Variants in CELF2 observed in about 807,000 individuals in gnomAD.
CELF2 encodes the protein CUGBP Elav-like family member 2, also known as CUG triplet repeat RNA-binding protein 2.
In CELF2, 8 loss-of-function variants were observed where a neutral mutation model predicts 62.6. The observed-to-expected ratio is 0.13, with a 90% CI of 0.07 to 0.23. The LOEUF (loss-of-function observed/expected upper bound fraction) is 0.23, where lower values mean the gene tolerates loss of function less well. Ranked by LOEUF, CELF2 falls within the 10% of genes least tolerant of loss-of-function variation. The pLI, the probability that CELF2 is intolerant of heterozygous loss-of-function variation, is 1.00. For missense variants in CELF2, 333 were observed against 671.0 expected (o/e 0.50, Z 5.56); for synonymous variants, 258 against 250.0 (o/e 1.03, Z -0.30).
At chr10:10,827,983 G>A (rs918669084) in intron 1 of CELF2, among the ~76,000 whole-genome samples, 11 of 120,118 alleles carry the variant, frequency 9.2e-5, no homozygotes, top group Non-Finnish European at 1.6e-4. Flanking sequence ...CATCATACCC[G>A]TCAGGAAGGC....
the CELF2 span, among the ~76,000 whole-genome samples, chr10:10,472,860 G>A: frequency 6.6e-6 from 1 of 151,940 alleles, no homozygotes; most frequent in African/African-American, 2.4e-5. Flanking sequence ...CTAGGCCCAT[G>A]TAATTTGGCA....
At position 11,237,263 on chromosome 10, in the gene CELF2, G is replaced by T. The variant is rs1172766492; in HGVS notation, c.355-11890G>T. On this transcript the variant is annotated intron_variant, in intron 3 of 12. Transcript: ENST00000633077. The surrounding 1 kb of genome is among the most constrained non-coding windows in gnomAD (Gnocchi z 4.0). ...GGGTAGAAAATTAAGCAAATTTAGA[G>T]CCACGCCAGAGTGTTAGGTGAGAGG... 6.6e-6 allele frequency among the ~76,000 whole-genome samples: 1 copy of T among 152,200 alleles called. No homozygotes were observed. Among genetic ancestry groups the T allele is most frequent in the Non-Finnish European group, 1.5e-5 (1 of 68,020 alleles).
chr10:11,045,607 A>G (rs1382142754), intron 1 of CELF2, among the ~76,000 whole-genome samples: 3 of 152,220 alleles, frequency 2.0e-5, no homozygotes, highest in Non-Finnish European at 4.4e-5. Context: ...TTTGAACACC[A>G]TGTGTGATGA....
At position 11,311,227 on chromosome 10, in the gene CELF2, A is replaced by G. The variant is rs1201590895; in HGVS notation, c.977-2912A>G. Reference sequence around the variant, plus strand: ...GGGGAATTTCCCTCTGAGAATTCATAACAATAAACCATCCCTCACGTGAGT... The same window carrying G: ...GGGGAATTTCCCTCTGAGAATTCATGACAATAAACCATCCCTCACGTGAGT... On this transcript the variant is annotated intron_variant, in intron 9 of 12. Coordinates refer to ENST00000633077, the MANE Select transcript of CELF2 (RefSeq NM_001326342.2). The surrounding 1 kb of genome is among the most constrained non-coding windows in gnomAD (Gnocchi z 4.7). Among the ~76,000 whole-genome samples, 5 of 152,228 alleles carry G rather than the reference A, an allele frequency of 3.3e-5. No homozygotes were observed. The highest frequency in any genetic ancestry group is 7.3e-5 in the Non-Finnish European group (5 of 68,042).
In CELF2 at chr10:11,198,148, A is replaced by G. The variant is rs990415481; in HGVS notation, c.272-19277A>G. Reference sequence around the variant, plus strand: ...AAATAGTTGTATTATCTGCTGTTCTAAGACTGATGAAATGTTTAAAAGGAT... The same window carrying G: ...AAATAGTTGTATTATCTGCTGTTCTGAGACTGATGAAATGTTTAAAAGGAT... On this transcript the variant is annotated intron_variant, in intron 2 of 12. Transcript: ENST00000633077. Among the ~76,000 whole-genome samples the G allele has an allele frequency of 2.6e-5, 4 of 152,230 alleles. No homozygotes were observed. In the South Asian group the frequency reaches 8.3e-4, roughly 32 times the overall value.
Position 11,306,041 on chromosome 10 carries a change from AC to A in CELF2, c.977-8097del, listed in dbSNP as rs1349018535. On this transcript the variant is annotated intron_variant, in intron 9 of 12. Coordinates refer to ENST00000633077, the MANE Select transcript of CELF2 (RefSeq NM_001326342.2). The surrounding 1 kb of genome is among the most constrained non-coding windows in gnomAD (Gnocchi z 4.4). ...TTTCCTGGCACGCCAGCTGGCCTGA[AC>A]GTCCGTCGCCTGATTGATAGGTTTT... Among the ~76,000 whole-genome samples, 1 of 152,182 alleles carries A rather than the reference AC, an allele frequency of 6.6e-6. No individual in the cohort carries two copies. The highest frequency in any genetic ancestry group is 1.5e-5 in the Non-Finnish European group (1 of 68,042).
At position 10,983,807 on chromosome 10, in the gene CELF2, C is replaced by T. The variant is rs2052422966; in HGVS notation, c.89+63808C>T. On this transcript the variant is annotated intron_variant, in intron 2 of 13. Coordinates refer to the CELF2 transcript ENST00000636488. This position sits in a 1 kb window ranked among gnomAD's most constrained non-coding sequence, Gnocchi z 5.2. ...GGTCTTGAACTCCTCACAGGTGATC[C>T]ACCTGCCTCAGCCTCCCAAAGTGCT... 6.6e-6 allele frequency among the ~76,000 whole-genome samples: 1 copy of T among 152,174 alleles called. No individual in the cohort carries two copies. Among genetic ancestry groups the T allele is most frequent in the South Asian group, 2.1e-4 (1 of 4,824 alleles).
rs1590239941 is a variant in CELF2 at position 11,270,882 on chromosome 10, T to A, written c.777+58T>A. The A allele has an allele frequency of 7.6e-7, 1 of 1,322,218 alleles. No homozygotes were observed. Among genetic ancestry groups the A allele is most frequent in the East Asian group, 2.8e-5 (1 of 35,822 alleles). The allele number at this position is 1,322,218 out of a possible 1,614,324, so 81.9% of individuals were successfully genotyped here. ...CCCGCTGAAACTCTGCAAACTGACT[T>A]TTCCCCTCCCTACGCTGAGGCATTT... On this transcript the variant is annotated intron_variant, in intron 7 of 12. Transcript: ENST00000633077. This position sits in a 1 kb window ranked among gnomAD's most constrained non-coding sequence, Gnocchi z 5.8.
At chr10:10,798,605 T>C, upstream of CELF2, 1 of 396,538 alleles carries the variant, frequency 2.5e-6, no homozygotes, top group Non-Finnish European at 4.4e-6. Context: ...AGGATTGATT[T>C]GCGGGGTGGA....
the CELF2 span, among the ~76,000 whole-genome samples, chr10:10,539,158 T>A: frequency 6.6e-6 from 1 of 152,236 alleles, no homozygotes; most frequent in East Asian, 1.9e-4. Context: ...TCTTAAGAGT[T>A]ATAGAGTAGC....
the CELF2 span, among the ~76,000 whole-genome samples, chr10:10,600,302 A>G: frequency 8.5e-5 from 13 of 152,232 alleles, no homozygotes; most frequent in Non-Finnish European, 1.8e-4. Context: ...ACCAAAGTCT[A>G]TTTTTAAAAC....
Position 11,267,920 on chromosome 10 carries a change from A to C in CELF2, c.618+1243A>C, listed in dbSNP as rs1386728456. 5.9e-5 allele frequency among the ~76,000 whole-genome samples: 9 copies of C among 152,132 alleles called. No individual in the cohort carries two copies. The highest frequency in any genetic ancestry group is 5.9e-4 in the Admixed American group (9 of 15,278). ...TTTTCGAACATTGATCTTGACTTTGATATTCCTAACATATCTTATATAATC... is the reference window on the plus strand; with the variant it reads ...TTTTCGAACATTGATCTTGACTTTGCTATTCCTAACATATCTTATATAATC... On this transcript the variant is annotated intron_variant, in intron 6 of 12. Transcript: ENST00000633077. The surrounding 1 kb of genome is among the most constrained non-coding windows in gnomAD (Gnocchi z 4.4).
intron 1 of CELF2, among the ~76,000 whole-genome samples, chr10:10,885,699 G>A (rs1262656727): frequency 6.6e-6 from 1 of 152,108 alleles, no homozygotes; most frequent in African/African-American, 2.4e-5. Flanking sequence ...TATGGTTCAG[G>A]ATTTCTTCCA....
Position 11,145,858 on chromosome 10 carries a change from TTA to T in CELF2, c.75-19623_75-19622del, listed in dbSNP as rs2062166545. ...GTAGCTTCTGTTTAAAATGTGGATTTTATATACGTTGTTTACATTTTATGAGA... is the reference window on the plus strand; with the variant it reads ...GTAGCTTCTGTTTAAAATGTGGATTTTATACGTTGTTTACATTTTATGAGA... On this transcript the variant is annotated intron_variant, in intron 1 of 12. Transcript: ENST00000633077. The surrounding 1 kb of genome is among the most constrained non-coding windows in gnomAD (Gnocchi z 4.3). Among the ~76,000 whole-genome samples the T allele has an allele frequency of 6.6e-6, 1 of 152,334 alleles. No individual in the cohort carries two copies. Among genetic ancestry groups the T allele is most frequent in the Admixed American group, 6.5e-5 (1 of 15,308 alleles).
At chr10:10,568,444 C>A in the CELF2 span, among the ~76,000 whole-genome samples, 3 of 152,180 alleles carry the variant, frequency 2.0e-5, no homozygotes, top group African/African-American at 7.2e-5. Context: ...TCACCTATGG[C>A]TACTTTCATG....
the CELF2 span, among the ~76,000 whole-genome samples, chr10:10,550,791 CG>C: frequency 4.6e-5 from 7 of 152,076 alleles, no homozygotes; most frequent in African/African-American, 1.7e-4. Flanking sequence ...CTCCGCCTCC[CG>C]GGTTCAAGTG....
At chr10:10,809,333 G>GA (rs2055594787) in intron 1 of CELF2, among the ~76,000 whole-genome samples, 1 of 152,180 alleles carries the variant, frequency 6.6e-6, no homozygotes, top group Admixed American at 6.5e-5. Flanking sequence ...AGAATTGTGA[G>GA]AAAATGCACT....
rs2074914740 is a variant in CELF2 at position 11,244,225 on chromosome 10, C to T, written c.355-4928C>T. 6.6e-6 allele frequency among the ~76,000 whole-genome samples: 1 copy of T among 152,234 alleles called. No homozygotes were observed. The highest frequency in any genetic ancestry group is 6.5e-5 in the Admixed American group (1 of 15,292). ...CCACTGGCTGCCGCCTGTCCTGGCA[C>T]CTAGGGAAGATTTCATTCAGGAGTG... On this transcript the variant is annotated intron_variant, in intron 3 of 12. Transcript: ENST00000633077. This position sits in a 1 kb window ranked among gnomAD's most constrained non-coding sequence, Gnocchi z 4.2.
chr10:10,525,408 A>G, the CELF2 span, among the ~76,000 whole-genome samples: 1 of 152,076 alleles, frequency 6.6e-6, no homozygotes, highest in Admixed American at 6.6e-5. Context: ...AGTGTATTTT[A>G]TGTGTTGCCC....
Sources: allele counts gnomAD v4.1 joint callset (sites outside exome capture counted in the v4.1 genomes callset), GRCh38; gene constraint gnomAD v4.1.1; non-coding constraint Gnocchi (gnomAD v3.1); transcripts MANE v1.5; gene names NCBI Gene and HGNC (gene_info 2026-07-23, HGNC 2026-07-21).